TTI1: variants seen among roughly 807,000 people sequenced by gnomAD.
TTI1 encodes the protein TELO2 interacting protein 1.
A neutral mutation model predicts 85.4 loss-of-function variants in TTI1; 52 were observed. The observed-to-expected ratio is 0.61, with a 90% CI of 0.49 to 0.77. The LOEUF (loss-of-function observed/expected upper bound fraction) is 0.77. Among genes scored for constraint, TTI1 ranks in the 30% least tolerant of loss-of-function variants. The probability of loss-of-function intolerance (pLI) is 0.00; values close to 1 mark genes in which losing one functional copy is unlikely to be tolerated. For missense variants in TTI1, 1,173 were observed against 1,296.0 expected (o/e 0.91, Z 1.46); for synonymous variants, 512 against 503.9 (o/e 1.02, Z -0.22).
At chr20:38,009,473 T>C (rs1048661403) in intron 2 of TTI1, among the ~76,000 whole-genome samples, 1 of 152,146 alleles carries the variant, frequency 6.6e-6, no homozygotes, top group Non-Finnish European at 1.5e-5. Context: ...CCCATGCCCC[T>C]TCTTCCTTCT....
intron 1 of TTI1, among the ~76,000 whole-genome samples, chr20:38,029,560 G>A (rs2073878738): frequency 7.0e-6 from 1 of 143,598 alleles, no homozygotes; most frequent in South Asian, 2.2e-4. Context: ...ACAAGGGAGT[G>A]AGTGAGCAAG....
chr20:38,027,793 A>G (rs1447421898), intron 1 of TTI1, among the ~76,000 whole-genome samples: 1 of 152,080 alleles, frequency 6.6e-6, no homozygotes, highest in Non-Finnish European at 1.5e-5. Flanking sequence ...GCATGATGGC[A>G]GGTGCCTGTA....
intron 7 of TTI1, among the ~76,000 whole-genome samples, chr20:37,993,891 G>A (rs1367558576): frequency 6.6e-6 from 1 of 152,218 alleles, no homozygotes; most frequent in African/African-American, 2.4e-5. Flanking sequence ...TACCTAGAGG[G>A]GCAGGACTGG....
At chr20:37,990,483 T>C (rs2073247897) in intron 7 of TTI1, among the ~76,000 whole-genome samples, 1 of 152,228 alleles carries the variant, frequency 6.6e-6, no homozygotes, top group South Asian at 2.1e-4. Context: ...TGAACAACAA[T>C]GTGAGGCCTT....
chr20:38,030,528 AACACACACACACACACACAC>A (rs3038751), intron 1 of TTI1, among the ~76,000 whole-genome samples: 28 of 144,840 alleles, frequency 1.9e-4, no homozygotes, highest in Non-Finnish European at 3.9e-4. Flanking sequence ...CAGTATGTAA[AACACACACACACACACACAC>A]ACACACACAC....
At position 37,983,473 on chromosome 20, in the gene TTI1, G is replaced by A; in HGVS notation, c.3253C>T (p.Leu1085Phe). Reference sequence around the variant, plus strand: ...GAGCAGGGTCACTGCAGCTCCTTGAGCAGCTGGAGCACGTTGGTCGTGTAG... The same window carrying A: ...GAGCAGGGTCACTGCAGCTCCTTGAACAGCTGGAGCACGTTGGTCGTGTAG... ...NPYTTNVLQLLKELQ is the reference protein window; with the variant it reads ...NPYTTNVLQLFKELQ The change falls in exon 8 of 8, where the codon CTC (leucine) becomes TTC (phenylalanine). Residue 1085 changes from leucine to phenylalanine, a missense_variant. Transcript: ENST00000373447. The A allele has an allele frequency of 6.2e-7, 1 of 1,610,866 alleles. No individual in the cohort carries two copies. The highest frequency in any genetic ancestry group is 8.5e-7 in the Non-Finnish European group (1 of 1,179,652).
chr20:38,000,176 T>G (rs3938421), intron 4 of TTI1, among the ~76,000 whole-genome samples: 126,133 of 152,046 alleles, frequency 0.83, 52,985 homozygotes, highest in African/African-American at 0.96. Context: ...AGCTGCTTCG[T>G]TTCAGGGGTA....
chr20:37,996,296 C>T (rs2073336745), intron 7 of TTI1, 79 bp downstream of exon 7: 2 of 1,455,254 alleles, frequency 1.4e-6, no homozygotes, highest in Non-Finnish European at 1.9e-6. Flanking sequence ...GCAGAGATGC[C>T]TCAACTCTGC....
intron 3 of TTI1, 41 bp from the exon 4 acceptor site, chr20:38,002,817 A>G (rs1568616172): frequency 6.2e-7 from 1 of 1,600,770 alleles, no homozygotes; most frequent in Admixed American, 1.7e-5. Flanking sequence ...TGTATGAGTG[A>G]TAAAACAGAG....
intron 7 of TTI1, among the ~76,000 whole-genome samples, chr20:37,988,535 G>A (rs138757627): frequency 8.0e-4 from 122 of 152,332 alleles, no homozygotes; most frequent in African/African-American, 2.8e-3. Flanking sequence ...GCTCTCCTGG[G>A]TGACAGGCTA....
At chr20:37,991,061 T>C (rs1387027186) in intron 7 of TTI1, among the ~76,000 whole-genome samples, 4 of 152,162 alleles carry the variant, frequency 2.6e-5, no homozygotes, top group African/African-American at 9.7e-5. Context: ...CAGGCCTATA[T>C]ATGCACAGTG....
intron 1 of TTI1, among the ~76,000 whole-genome samples, chr20:38,030,772 A>C (rs2073896312): frequency 6.6e-6 from 1 of 152,152 alleles, no homozygotes; most frequent in Non-Finnish European, 1.5e-5. Flanking sequence ...TCACATTTTT[A>C]TCTCTAACCC....
rs1383489454 is a variant in TTI1 at position 38,012,741 on chromosome 20, G to A, written c.1076C>T (p.Ala359Val). The change falls in exon 2 of 8, where the codon GCA becomes GTA. Residue 359 changes from alanine to valine, a missense_variant. Ala to Val is a moderately conservative substitution (Grantham distance 64). Transcript: ENST00000373447. ...AQCNKVLRHF[A>V]DQKVVVGNKA... Reference sequence around the variant, plus strand: ...GTTGCCCACCACTACTTTTTGATCTGCAAAATGTCTCAGAACTTTATTGCA... The same window carrying A: ...GTTGCCCACCACTACTTTTTGATCTACAAAATGTCTCAGAACTTTATTGCA... 15 of 1,614,068 alleles carry A rather than the reference G, an allele frequency of 9.3e-6. No individual in the cohort carries two copies. The highest frequency in any genetic ancestry group is 1.2e-5 in the Non-Finnish European group (14 of 1,180,054).
chr20:37,995,423 C>G (rs75682454), intron 7 of TTI1, among the ~76,000 whole-genome samples: 1 of 152,260 alleles, frequency 6.6e-6, no homozygotes, highest in Admixed American at 6.5e-5. Context: ...CTAACTCCCA[C>G]CCCACTGAAG....
chr20:37,996,390 T>C lies in TTI1; in HGVS notation c.3071A>G (p.Gln1024Arg). The change falls in exon 7 of 8, where the codon CAA (glutamine) becomes CGA (arginine). Residue 1024 changes from glutamine (Q) to arginine (R), a missense_variant. By Grantham distance (43) the Gln-to-Arg change is conservative. Coordinates refer to ENST00000373447, the MANE Select transcript of TTI1 (RefSeq NM_001303457.2). The stretch of plus-strand genomic sequence containing the variant: ...GCAGACGTACCTCCTGGCAGCCTCT[T>C]GTAATTTCACGGGCTGTTTGACACT... ...YLSVKQPVKL[Q>R]EAARSVFLHL... 4 of 1,614,108 alleles carry C rather than the reference T, an allele frequency of 2.5e-6. No individual in the cohort carries two copies. Among genetic ancestry groups the C allele is most frequent in the Non-Finnish European group, 3.4e-6 (4 of 1,180,014 alleles).
At chr20:38,013,958 G>C in intron 1 of TTI1, 101 bp from the exon 2 acceptor site, 3 of 1,209,512 alleles carry the variant, frequency 2.5e-6, no homozygotes. Flanking sequence ...GGGTCTATGT[G>C]CCAGCCACTG....
In TTI1 at chr20:38,013,271, G is replaced by C. The variant is rs2073631193; in HGVS notation, c.546C>G (p.Leu182=). The change falls in exon 2 of 8, where the codon CTC becomes CTG. Residue 182 remains leucine, a synonymous_variant. Transcript: ENST00000373447. ...GATGGTCCTGACAATCACACTGCAAGAGTAGAACCTGTAAACATTTTAAGG... is the reference window on the plus strand; with the variant it reads ...GATGGTCCTGACAATCACACTGCAACAGTAGAACCTGTAAACATTTTAAGG... The part of the protein sequence containing the change: ...IAALKCLQVL[L]LQCDCQDHPR... The C allele has an allele frequency of 6.2e-7, 1 of 1,614,060 alleles. No homozygotes were observed. Among genetic ancestry groups the C allele is most frequent in the East Asian group, 2.2e-5 (1 of 44,888 alleles).
At chr20:37,990,427 CAG>C (rs1462979102) in intron 7 of TTI1, among the ~76,000 whole-genome samples, 4 of 152,134 alleles carry the variant, frequency 2.6e-5, no homozygotes, top group African/African-American at 4.8e-5. Context: ...GATGAGAAAA[CAG>C]AGACTTTGAG....
chr20:37,999,168 G>T lies in TTI1; in HGVS notation c.2793+20C>A. ...TAACTCTACCCTCACAACAGACCAT[G>T]GGGGATGCTGGTGCAGTACCTTGAA... On this transcript the variant is annotated intron_variant, in intron 5 of 7. Transcript: ENST00000373447. 7.2e-7 allele frequency: 1 copy of T among 1,390,900 alleles called. No homozygotes were observed. The highest frequency in any genetic ancestry group is 9.4e-7 in the Non-Finnish European group (1 of 1,062,586). 86.2% of individuals were successfully genotyped at this position (1,390,900 alleles called of 1,614,324 possible).
Sources: allele counts gnomAD v4.1 joint callset (sites outside exome capture counted in the v4.1 genomes callset), GRCh38; gene constraint gnomAD v4.1.1; transcripts MANE v1.5; gene names NCBI Gene and HGNC (gene_info 2026-07-23, HGNC 2026-07-21).